Variants in QRFP observed in about 807,000 individuals in gnomAD.
The protein encoded by QRFP is orexigenic neuropeptide QRFP.
A neutral mutation model predicts 9.1 loss-of-function variants in QRFP; 7 were observed. That is an observed-to-expected ratio of 0.77 (90% CI 0.44 to 1.45). QRFP has a LOEUF of 1.45. Ranked by LOEUF, QRFP falls within the 40% of genes most tolerant of loss-of-function variation. The pLI is 0.01. For missense variants in QRFP, 204 were observed against 185.4 expected (o/e 1.10, Z -0.58); for synonymous variants, 91 against 80.2 (o/e 1.13, Z -0.72).
intron 1 of QRFP, 52 bp downstream of exon 1, chr9:130,896,525 C>G (rs1395827960): frequency 6.6e-6 from 1 of 152,322 alleles, no homozygotes; most frequent in Non-Finnish European, 1.5e-5. Flanking sequence ...CTGTCAGGAA[C>G]TGAGCACAGA....
Position 130,893,397 on chromosome 9 carries a change from GAAGCA to G in QRFP, c.*26_*30del. On this transcript the variant is annotated 3_prime_UTR_variant, in exon 3 of 3. Coordinates refer to ENST00000623824, the MANE Select transcript of QRFP (RefSeq NM_198180.3). ...GTGAAGACAATGGGGGTGAGTCCAAGAAGCAAATCCTTCCAAGGCGTCCTGGCCCT... is the reference window on the plus strand; with the variant it reads ...GTGAAGACAATGGGGGTGAGTCCAAGAATCCTTCCAAGGCGTCCTGGCCCT... 6.5e-7 allele frequency: 1 copy of G among 1,536,390 alleles called. No homozygotes were observed. The highest frequency in any genetic ancestry group is 2.3e-5 in the East Asian group (1 of 43,926).
intron 2 of QRFP, among the ~76,000 whole-genome samples, chr9:130,894,436 C>A (rs529442356): frequency 1.1e-4 from 17 of 152,302 alleles, no homozygotes; most frequent in Admixed American, 8.5e-4. Flanking sequence ...GAGCCAAGAG[C>A]TCACACATGT....
Position 130,893,310 on chromosome 9 carries a change from A to G in QRFP, c.*118T>C. ...TAACCTGTCCTACCATGGATCGTTC[A>G]TCGTAACCAAGCCTACATCATCTGG... On this transcript the variant is annotated 3_prime_UTR_variant, in exon 3 of 3. Transcript: ENST00000623824. The G allele has an allele frequency of 1.7e-6, 2 of 1,156,122 alleles. No homozygotes were observed. The highest frequency in any genetic ancestry group is 2.4e-6 in the Non-Finnish European group (2 of 816,430). 71.6% of individuals were successfully genotyped at this position (1,156,122 alleles called of 1,614,324 possible).
rs767309119 is a variant in QRFP at position 130,893,715 on chromosome 9, C to A, written c.124G>T (p.Asp42Tyr). The A allele has an allele frequency of 7.5e-6, 12 of 1,610,346 alleles. No individual in the cohort carries two copies. In the South Asian group the frequency reaches 1.3e-4, roughly 18 times the overall value. Residue 42 changes from aspartate (D) to tyrosine (Y), a missense_variant, in exon 3 of 3, where the codon GAC (aspartate) becomes TAC (tyrosine). Physicochemically the swap from Asp to Tyr is radical, Grantham distance 160 (BLOSUM62 -3). Transcript: ENST00000623824. ...TGGGGTCGGGGCCCCATGGCCAGGT[C>A]GGCCCAGCGTTCTCCAGCTCCGAGG... ...GGLGAGERWA[D>Y]LAMGPRPHSV...
chr9:130,893,207 G>C lies in QRFP; in HGVS notation c.*221C>G. 2.3e-6 allele frequency: 1 copy of C among 436,760 alleles called. No homozygotes were observed. Among genetic ancestry groups the C allele is most frequent in the African/African-American group, 2.0e-5 (1 of 49,066 alleles). 27.1% of individuals were successfully genotyped at this position (436,760 alleles called of 1,614,324 possible). On this transcript the variant is annotated 3_prime_UTR_variant, in exon 3 of 3. Transcript: ENST00000623824. ...GAAGAGAGAGGCTGGGACGACCGAGGCTCCAAGACAGCCTCCTTTTTGACA... is the reference window on the plus strand; with the variant it reads ...GAAGAGAGAGGCTGGGACGACCGAGCCTCCAAGACAGCCTCCTTTTTGACA...
At position 130,893,708 on chromosome 9, in the gene QRFP, G is replaced by A. The variant is rs1831719518; in HGVS notation, c.131C>T (p.Ala44Val). ...LGAGERWADLAMGPRPHSVWG... is the reference protein window; with the variant it reads ...LGAGERWADLVMGPRPHSVWG... ...CACGGAGTGGGGTCGGGGCCCCATG[G>A]CCAGGTCGGCCCAGCGTTCTCCAGC... The change falls in exon 3 of 3, where the codon GCC becomes GTC. Residue 44 changes from alanine to valine, a missense_variant. Physicochemically the swap from Ala to Val is moderately conservative, Grantham distance 64. Transcript: ENST00000623824. The A allele has an allele frequency of 6.2e-7, 1 of 1,610,306 alleles. No individual in the cohort carries two copies.
rs1831705774 is a variant in QRFP, at chr9:130,893,084, C to T, written c.*344G>A. ...TGATTACCCAACTGTAAGCACTCAG[C>T]CCGCTGCCTCGCTCTGCTATTCACA... On this transcript the variant is annotated 3_prime_UTR_variant, in exon 3 of 3. Transcript: ENST00000623824. 1 of 213,018 alleles carries T rather than the reference C, an allele frequency of 4.7e-6. No homozygotes were observed. The allele number at this position is 213,018 out of a possible 1,614,324, so 13.2% of individuals were successfully genotyped here.
Position 130,893,110 on chromosome 9 carries a change from C to G in QRFP, c.*318G>C. 1 of 266,508 alleles carries G rather than the reference C, an allele frequency of 3.8e-6. No individual in the cohort carries two copies. The highest frequency in any genetic ancestry group is 7.0e-6 in the Non-Finnish European group (1 of 142,196). 16.5% of individuals were successfully genotyped at this position (266,508 alleles called of 1,614,324 possible). ...CCGCTGCCTCGCTCTGCTATTCACACTCATGGCCCAGCCACAGCCTCAGCT... is the reference window on the plus strand; with the variant it reads ...CCGCTGCCTCGCTCTGCTATTCACAGTCATGGCCCAGCCACAGCCTCAGCT... On this transcript the variant is annotated 3_prime_UTR_variant, in exon 3 of 3. Coordinates refer to ENST00000623824, the MANE Select transcript of QRFP (RefSeq NM_198180.3).
At chr9:130,895,117 A>G (rs960120887) in intron 2 of QRFP, among the ~76,000 whole-genome samples, 4 of 152,256 alleles carry the variant, frequency 2.6e-5, no homozygotes, top group African/African-American at 9.6e-5. Context: ...TTCGTCCCCC[A>G]GGGATGGAGT....
intron 2 of QRFP, among the ~76,000 whole-genome samples, chr9:130,894,409 T>C (rs1382863612): frequency 6.6e-6 from 1 of 152,108 alleles, no homozygotes; most frequent in East Asian, 1.9e-4. Context: ...CTGGGCACCG[T>C]AGGTCTGCCA....
chr9:130,896,062 C>T (rs1460503737), intron 1 of QRFP, 81 bp from the exon 2 acceptor site: 1 of 152,232 alleles, frequency 6.6e-6, no homozygotes, highest in African/African-American at 2.4e-5. Flanking sequence ...GTTCCAAGCC[C>T]ACCCTTCACC....
intron 2 of QRFP, among the ~76,000 whole-genome samples, chr9:130,895,491 C>G (rs1485856223): frequency 6.6e-6 from 1 of 152,232 alleles, no homozygotes; most frequent in Non-Finnish European, 1.5e-5. Flanking sequence ...ACAGGAAAAG[C>G]ACGGGTGAGG....
In QRFP at chr9:130,893,928, C is replaced by T. The variant is rs1030156474; in HGVS notation, c.1-90G>A. The T allele has an allele frequency of 9.2e-6, 12 of 1,308,282 alleles. 1 individual carries two copies. The highest frequency in any genetic ancestry group is 5.1e-5 in the South Asian group (3 of 58,390). The allele number at this position is 1,308,282 out of a possible 1,614,324, so 81.0% of individuals were successfully genotyped here. A position where few individuals can be genotyped will look rare whatever the true frequency, so the allele number is the denominator to read the frequency against. Reference sequence around the variant, plus strand: ...ATGTTTCCCCGGGACAGGCTGGCAGCGTAGATGTGAGCAGGGGGCTCAGCT... The same window carrying T: ...ATGTTTCCCCGGGACAGGCTGGCAGTGTAGATGTGAGCAGGGGGCTCAGCT... On this transcript the variant is annotated intron_variant, in intron 2 of 2. Transcript: ENST00000623824.
chr9:130,896,703 G>C lies in QRFP; in HGVS notation c.-412C>G, dbSNP rs898884457. 5 of 152,302 alleles carry C rather than the reference G, an allele frequency of 3.3e-5. No individual in the cohort carries two copies. The highest frequency in any genetic ancestry group is 1.2e-4 in the African/African-American group (5 of 41,458). The allele number at this position is 152,302 out of a possible 1,614,324, so 9.4% of individuals were successfully genotyped here. A position where few individuals can be genotyped will look rare whatever the true frequency, so the allele number is the denominator to read the frequency against. ...CTTCGGGGCTGAGCGCCCAGGTTCG[G>C]GCGGAGGGTCTGCGGATTGAAGCCG... On this transcript the variant is annotated 5_prime_UTR_variant, in exon 1 of 3. Transcript: ENST00000623824.
chr9:130,895,379 T>G (rs560513253), intron 2 of QRFP, among the ~76,000 whole-genome samples: 1 of 151,736 alleles, frequency 6.6e-6, no homozygotes, highest in East Asian at 1.9e-4. Flanking sequence ...CTTTTAGGGG[T>G]TCATGCACCC....
In QRFP at chr9:130,893,704, C is replaced by T. The variant is rs1194691152; in HGVS notation, c.135G>A (p.Met45Ile). ...CCCACACGGAGTGGGGTCGGGGCCC[C>T]ATGGCCAGGTCGGCCCAGCGTTCTC... ...GAGERWADLA[M>I]GPRPHSVWGS... is the part of the protein sequence containing the mutation. Residue 45 changes from methionine (M) to isoleucine (I), a missense_variant, in exon 3 of 3, where the codon ATG becomes ATA. Physicochemically the swap from Met to Ile is conservative, Grantham distance 10. Coordinates refer to ENST00000623824, the MANE Select transcript of QRFP (RefSeq NM_198180.3). The T allele has an allele frequency of 1.9e-6, 3 of 1,610,506 alleles. No individual in the cohort carries two copies. The South Asian group carries it at 3.3e-5, about 18-fold the overall frequency.
In QRFP at chr9:130,893,767, T is replaced by C. The variant is rs755710616; in HGVS notation, c.72A>G (p.Arg24=). Residue 24 remains arginine, a synonymous_variant, in exon 3 of 3, where the codon AGA becomes AGG. Coordinates refer to ENST00000623824, the MANE Select transcript of QRFP (RefSeq NM_198180.3). Reference sequence around the variant, plus strand: ...CACCCATGGCGTCTGTGGGCTCTCTTCTGTCCAGTAGAGGGAAGCAGGCGC... The same window carrying C: ...CACCCATGGCGTCTGTGGGCTCTCTCCTGTCCAGTAGAGGGAAGCAGGCGC... ...PLGACFPLLD[R]REPTDAMGGL... is the part of the protein sequence containing the mutation. 1.9e-5 allele frequency: 30 copies of C among 1,601,152 alleles called. No individual in the cohort carries two copies. In the East Asian group the frequency reaches 6.3e-4, roughly 33 times the overall value.
intron 2 of QRFP, among the ~76,000 whole-genome samples, chr9:130,895,426 C>T (rs1291298041): frequency 2.6e-5 from 4 of 152,210 alleles, no homozygotes; most frequent in Non-Finnish European, 4.4e-5. Context: ...ATGCTCATCA[C>T]GGGACAGGCG....
At chr9:130,894,374 A>G (rs1210180726) in intron 2 of QRFP, among the ~76,000 whole-genome samples, 1 of 152,182 alleles carries the variant, frequency 6.6e-6, no homozygotes, top group Non-Finnish European at 1.5e-5. Context: ...CCACCTGGGA[A>G]GGAGTGTGTG....
Sources: gnomAD v4.1 joint callset for allele counts (sites outside exome capture counted in the v4.1 genomes callset) on GRCh38, gnomAD v4.1.1 for gene constraint, MANE v1.5 for transcripts, NCBI Gene and HGNC (gene_info 2026-07-23, HGNC 2026-07-21) for gene names.